Variants in CPQ observed in about 807,000 individuals in gnomAD.
CPQ encodes carboxypeptidase Q.
A neutral mutation model predicts 45.7 loss-of-function variants in CPQ; 37 were observed. That is an observed-to-expected ratio of 0.81 (90% confidence interval 0.62 to 1.07). The LOEUF (loss-of-function observed/expected upper bound fraction) is 1.07, where lower values mean the gene tolerates loss of function less well. CPQ is among the 50% of genes least tolerant of loss of function. The probability of loss-of-function intolerance (pLI) is 0.00; values close to 1 mark genes in which losing one functional copy is unlikely to be tolerated. For missense variants in CPQ, 537 were observed against 572.9 expected, an observed-to-expected ratio of 0.94 and a Z score of 0.64; for synonymous variants, 186 against 205.8, an observed-to-expected ratio of 0.90 and a Z score of 0.82.
At chr8:96,683,501 A>G (rs1386417504) in intron 1 of CPQ, among the ~76,000 whole-genome samples, 2 of 151,984 alleles carry the variant, frequency 1.3e-5, no homozygotes, top group Non-Finnish European at 2.9e-5. Flanking sequence ...TAATTTAGAG[A>G]AGACCTTTTT....
At chr8:96,810,111 G>A (rs1811143064) in intron 2 of CPQ, among the ~76,000 whole-genome samples, 1 of 152,062 alleles carries the variant, frequency 6.6e-6, no homozygotes, top group Non-Finnish European at 1.5e-5. Context: ...TGAAGATTCA[G>A]TTTGGAATTC....
chr8:97,134,464 G>T (rs927704929), intron 7 of CPQ, among the ~76,000 whole-genome samples: 2 of 152,208 alleles, frequency 1.3e-5, no homozygotes, highest in Admixed American at 1.3e-4. Flanking sequence ...GTGTGGCCCG[G>T]CCACAGCGAT....
chr8:96,838,437 G>C (rs189641053), intron 3 of CPQ, among the ~76,000 whole-genome samples: 2 of 152,246 alleles, frequency 1.3e-5, no homozygotes, highest in Admixed American at 1.3e-4. Context: ...CGATAACCTA[G>C]AGGGAGATTT....
At chr8:96,926,637 T>TCTC (rs1812893367) in intron 4 of CPQ, among the ~76,000 whole-genome samples, 2 of 147,006 alleles carry the variant, frequency 1.4e-5, no homozygotes, top group African/African-American at 5.0e-5. Flanking sequence ...TCCTTCTCCT[T>TCTC]CTTCTTCTTC....
intron 1 of CPQ, among the ~76,000 whole-genome samples, chr8:96,737,254 C>CAAAA (rs771592276): frequency 6.4e-5 from 8 of 124,812 alleles, no homozygotes; most frequent in African/African-American, 2.0e-4. Context: ...CACACACACA[C>CAAAA]AAAAAAAAAC....
chr8:97,017,418 G>C (rs544023492), intron 5 of CPQ, among the ~76,000 whole-genome samples: 1 of 152,184 alleles, frequency 6.6e-6, no homozygotes, highest in Non-Finnish European at 1.5e-5. Flanking sequence ...GCCAGAACTG[G>C]GGGGAGGGCA....
At chr8:96,761,882 A>G (rs1810410086) in intron 1 of CPQ, among the ~76,000 whole-genome samples, 1 of 152,132 alleles carries the variant, frequency 6.6e-6, no homozygotes, top group South Asian at 2.1e-4. Flanking sequence ...CTTCCTAACC[A>G]TTTTGCCATT....
chr8:96,822,752 TAC>T (rs1488163265), intron 2 of CPQ, among the ~76,000 whole-genome samples: 1 of 152,004 alleles, frequency 6.6e-6, no homozygotes. Context: ...CTTTTGTAGG[TAC>T]AGTGACCTCT....
intron 7 of CPQ, among the ~76,000 whole-genome samples, chr8:97,137,559 G>C (rs2130629868): frequency 6.6e-6 from 1 of 152,288 alleles, no homozygotes; most frequent in South Asian, 2.1e-4. Flanking sequence ...CACAGTTTCT[G>C]TTAAAGTGCT....
At chr8:96,968,100 T>C (rs1216424804) in intron 5 of CPQ, among the ~76,000 whole-genome samples, 1 of 152,230 alleles carries the variant, frequency 6.6e-6, no homozygotes, top group Non-Finnish European at 1.5e-5. Context: ...CTTTGCCTCC[T>C]AACTTTTAGT....
At chr8:96,949,477 G>A (rs759417986) in intron 4 of CPQ, among the ~76,000 whole-genome samples, 9 of 151,870 alleles carry the variant, frequency 5.9e-5, no homozygotes, top group Non-Finnish European at 1.3e-4. Flanking sequence ...TCCAGACCCA[G>A]GTTTTATTAT....
At chr8:96,651,056 G>A (rs1231119679) in intron 1 of CPQ, among the ~76,000 whole-genome samples, 3 of 152,154 alleles carry the variant, frequency 2.0e-5, no homozygotes, top group Admixed American at 6.5e-5. Context: ...TCTGACTTGG[G>A]TATTGAATAT....
intron 7 of CPQ, among the ~76,000 whole-genome samples, chr8:97,131,673 G>A (rs536026670): frequency 6.6e-6 from 1 of 152,068 alleles, no homozygotes; most frequent in South Asian, 2.1e-4. Context: ...TAAAATTGTT[G>A]GGCACACCCT....
At position 97,050,583 on chromosome 8, in the gene CPQ, A is replaced by G. The variant is rs185541326; in HGVS notation, c.1054-15426A>G. Among the ~76,000 whole-genome samples the G allele has an allele frequency of 5.3e-5, 8 of 152,348 alleles. No homozygotes were observed. In the East Asian group the frequency reaches 1.5e-3, roughly 29 times the overall value. On this transcript the variant is annotated intron_variant, in intron 6 of 7. Transcript: ENST00000220763. ...GGAGATGCAAAAAATCAGAAAAACA[A>G]GCCAGACGTGGTGGTGCACATCTGT...
At chr8:96,810,133 G>GA (rs1202472113) in intron 2 of CPQ, among the ~76,000 whole-genome samples, 1 of 152,140 alleles carries the variant, frequency 6.6e-6, no homozygotes, top group Non-Finnish European at 1.5e-5. Context: ...CCTTCTCCAA[G>GA]AGCCTTCCCC....
chr8:96,725,375 C>G (rs1809822693), intron 1 of CPQ, among the ~76,000 whole-genome samples: 1 of 152,084 alleles, frequency 6.6e-6, no homozygotes, highest in Admixed American at 6.5e-5. Context: ...GGAACTTAAG[C>G]AATTCAACAA....
intron 1 of CPQ, among the ~76,000 whole-genome samples, chr8:96,783,917 AAC>A (rs1810723494): frequency 6.6e-6 from 1 of 152,330 alleles, no homozygotes; most frequent in Non-Finnish European, 1.5e-5. Context: ...ATTAGTAAAA[AAC>A]AGTTTGTGGA....
At chr8:96,867,223 A>C (rs1158993223) in intron 3 of CPQ, among the ~76,000 whole-genome samples, 2 of 152,072 alleles carry the variant, frequency 1.3e-5, no homozygotes, top group Non-Finnish European at 2.9e-5. Flanking sequence ...GAAAAATTTA[A>C]TTTCTCAATT....
chr8:96,992,444 T>C (rs1809109603), intron 5 of CPQ, among the ~76,000 whole-genome samples: 1 of 152,078 alleles, frequency 6.6e-6, no homozygotes, highest in African/African-American at 2.4e-5. Flanking sequence ...GTTAAAGAAA[T>C]AATTATATGT....
Sources: gnomAD v4.1 joint callset for allele counts (sites outside exome capture counted in the v4.1 genomes callset) on GRCh38, gnomAD v4.1.1 for gene constraint, MANE v1.5 for transcripts, NCBI Gene and HGNC (gene_info 2026-07-23, HGNC 2026-07-21) for gene names.